Variants in CCSER1 observed in about 807,000 individuals in gnomAD.
CCSER1 encodes the protein serine-rich coiled-coil domain-containing protein 1.
Under a neutral mutation model 82.0 loss-of-function variants are expected in CCSER1, and 41 were observed. The observed-to-expected ratio is 0.50, with a 90% CI of 0.39 to 0.65. The LOEUF is 0.65. CCSER1 is among the 30% of genes least tolerant of loss of function. CCSER1 has a pLI of 0.00. For synonymous variants in CCSER1, 414 were observed against 383.9 expected (o/e 1.08, Z -0.92); for missense variants, 1,119 against 1,064.2 (o/e 1.05, Z -0.72).
chr4:90,424,937 T>C (rs1247998403), intron 4 of CCSER1, among the ~76,000 whole-genome samples: 1 of 152,260 alleles, frequency 6.6e-6, no homozygotes, highest in African/African-American at 2.4e-5. Flanking sequence ...TCACTAGTTT[T>C]AACGGATTCT....
At chr4:91,249,508 T>G (rs72877016) in intron 10 of CCSER1, among the ~76,000 whole-genome samples, 1,595 of 152,192 alleles carry the variant, frequency 0.01, 15 homozygotes, top group African/African-American at 0.036. Context: ...TTGCCTCACT[T>G]TCTGTCTCTA....
At chr4:90,872,429 A>G (rs567253181) in intron 8 of CCSER1, among the ~76,000 whole-genome samples, 18 of 151,956 alleles carry the variant, frequency 1.2e-4, no homozygotes, top group Non-Finnish European at 2.4e-4. Context: ...ATTACTTTAA[A>G]CTGTTCAAAA....
intron 5 of CCSER1, among the ~76,000 whole-genome samples, chr4:90,512,889 CATTT>C (rs1166527790): frequency 2.6e-5 from 4 of 152,204 alleles, no homozygotes; most frequent in Non-Finnish European, 2.9e-5. Flanking sequence ...ACAAATAACA[CATTT>C]ATTTATCAGA....
intron 1 of CCSER1, among the ~76,000 whole-genome samples, chr4:90,140,559 A>G (rs1266555867): frequency 6.6e-6 from 1 of 151,270 alleles, no homozygotes; most frequent in Non-Finnish European, 1.5e-5. Flanking sequence ...AATCTTTGTT[A>G]TATGTGTGTA....
chr4:90,236,842 T>G (rs551431011), intron 1 of CCSER1, among the ~76,000 whole-genome samples: 1 of 152,270 alleles, frequency 6.6e-6, no homozygotes, highest in African/African-American at 2.4e-5. Context: ...GTTGTCATAC[T>G]GTGTGTGTAT....
chr4:91,059,314 A>ATGTATATACATATAGTGTATATATATGTG, intron 9 of CCSER1, among the ~76,000 whole-genome samples: 1 of 143,970 alleles, frequency 6.9e-6, no homozygotes, highest in Non-Finnish European at 1.5e-5. Flanking sequence ...ATACGTGTAT[A>ATGTATATACATATAGTGTATATATATGTG]TATATATACA....
At chr4:91,189,197 A>G (rs771303070) in intron 10 of CCSER1, among the ~76,000 whole-genome samples, 2 of 152,142 alleles carry the variant, frequency 1.3e-5, no homozygotes, top group Admixed American at 6.5e-5. Context: ...CCTTAGCTCA[A>G]TATCAGGTCA....
rs142328367 is a variant in CCSER1, at chr4:90,827,918, C to T, written c.2094+12073C>T. ...ATTCTTATATACCCTGGTTATAGAGCCGAGGGGGAAGGGGATGTAGGCAAT... is the reference window on the plus strand; with the variant it reads ...ATTCTTATATACCCTGGTTATAGAGTCGAGGGGGAAGGGGATGTAGGCAAT... On this transcript the variant is annotated intron_variant, in intron 8 of 10. Coordinates refer to ENST00000509176, the MANE Select transcript of CCSER1 (RefSeq NM_001145065.2). 5.1e-4 allele frequency among the ~76,000 whole-genome samples: 78 copies of T among 152,084 alleles called. 1 individual carries two copies. In the East Asian group the frequency reaches 0.013, roughly 25 times the overall value.
At chr4:90,912,205 G>C (rs1000552784) in intron 8 of CCSER1, among the ~76,000 whole-genome samples, 1 of 152,202 alleles carries the variant, frequency 6.6e-6, no homozygotes, top group Non-Finnish European at 1.5e-5. Flanking sequence ...TGACCTGCGA[G>C]TAGCCTAACT....
At chr4:90,244,608 A>G (rs1721089660) in intron 1 of CCSER1, among the ~76,000 whole-genome samples, 1 of 152,108 alleles carries the variant, frequency 6.6e-6, no homozygotes, top group Non-Finnish European at 1.5e-5. Flanking sequence ...GGAAGCAAGG[A>G]CCTTCTTCAC....
At chr4:91,561,353 T>C (rs937595290) in intron 10 of CCSER1, among the ~76,000 whole-genome samples, 2 of 151,452 alleles carry the variant, frequency 1.3e-5, no homozygotes, top group Non-Finnish European at 3.0e-5. Flanking sequence ...CTGAAGTCTT[T>C]TACAAATATT....
chr4:90,516,057 C>T (rs1228034569), intron 5 of CCSER1, among the ~76,000 whole-genome samples: 2 of 152,082 alleles, frequency 1.3e-5, no homozygotes. Flanking sequence ...CGTGCAATTG[C>T]AATATTGTAA....
chr4:91,508,161 G>GT (rs1197550877), intron 10 of CCSER1, among the ~76,000 whole-genome samples: 88 of 99,748 alleles, frequency 8.8e-4, no homozygotes, highest in South Asian at 1.3e-3. Flanking sequence ...TTTTTTTCTG[G>GT]GTTTTTTTTT....
intron 8 of CCSER1, among the ~76,000 whole-genome samples, chr4:90,911,720 C>A (rs1468619044): frequency 6.6e-6 from 1 of 152,120 alleles, no homozygotes; most frequent in Non-Finnish European, 1.5e-5. Context: ...CTGGGAATTC[C>A]CTTTCCTACC....
At chr4:91,347,947 A>G (rs1243218041) in intron 10 of CCSER1, among the ~76,000 whole-genome samples, 1 of 151,756 alleles carries the variant, frequency 6.6e-6, no homozygotes, top group East Asian at 1.9e-4. Flanking sequence ...TTCCTTCCCA[A>G]TCTGTCTACT....
intron 5 of CCSER1, among the ~76,000 whole-genome samples, chr4:90,561,484 T>C (rs1365427935): frequency 1.3e-5 from 2 of 152,230 alleles, no homozygotes; most frequent in African/African-American, 4.8e-5. Flanking sequence ...ACATATAAAA[T>C]TGGGATTAAA....
chr4:91,497,663 A>G (rs895150657), intron 10 of CCSER1, among the ~76,000 whole-genome samples: 2 of 151,810 alleles, frequency 1.3e-5, no homozygotes, highest in African/African-American at 4.8e-5. Context: ...GCTAGAGATA[A>G]GGAACACGTG....
At chr4:90,991,980 T>A (rs1003306253) in intron 9 of CCSER1, among the ~76,000 whole-genome samples, 1 of 152,072 alleles carries the variant, frequency 6.6e-6, no homozygotes, top group African/African-American at 2.4e-5. Context: ...CTTGCCTTAC[T>A]TGTTACTTTT....
At chr4:90,510,454 T>G (rs1771339748) in intron 5 of CCSER1, among the ~76,000 whole-genome samples, 1 of 152,192 alleles carries the variant, frequency 6.6e-6, no homozygotes, top group Non-Finnish European at 1.5e-5. Flanking sequence ...ATGTCTTATC[T>G]TAAAAATAAA....
Sources: gnomAD v4.1 joint callset for allele counts (sites outside exome capture counted in the v4.1 genomes callset) on GRCh38, gnomAD v4.1.1 for gene constraint, MANE v1.5 for transcripts, NCBI Gene and HGNC (gene_info 2026-07-23, HGNC 2026-07-21) for gene names.